ENTPD1: variants seen among roughly 807,000 people sequenced by gnomAD.
ENTPD1 encodes ectonucleoside triphosphate diphosphohydrolase 1.
ENTPD1 carries 33 observed loss-of-function variants against 57.0 expected under a neutral mutation model. The ratio of observed to expected loss-of-function variants is 0.58; its 90% CI spans 0.44 to 0.77. The LOEUF is 0.77. Ranked by LOEUF, ENTPD1 falls within the 30% of genes least tolerant of loss-of-function variation. The pLI is 0.00. For missense variants in ENTPD1, 501 were observed against 603.4 expected (o/e 0.83, Z 1.78); for synonymous variants, 202 against 218.8 (o/e 0.92, Z 0.68).
chr10:95,726,664 A>G (rs2097983980), intron 1 of ENTPD1, among the ~76,000 whole-genome samples: 1 of 152,232 alleles, frequency 6.6e-6, no homozygotes, highest in Admixed American at 6.5e-5. Flanking sequence ...TCCTTCTAAA[A>G]GTAAAGTGTT....
chr10:95,868,246 T>C lies in ENTPD1; in HGVS notation c.*1863T>C. The C allele has an allele frequency of 1.0e-6, 1 of 985,454 alleles. No individual in the cohort carries two copies. Among genetic ancestry groups the C allele is most frequent in the Non-Finnish European group, 1.2e-6 (1 of 829,932 alleles). 61.0% of individuals were successfully genotyped at this position (985,454 alleles called of 1,614,324 possible). On this transcript the variant is annotated 3_prime_UTR_variant, in exon 10 of 10. Transcript: ENST00000371205. Reference sequence around the variant, plus strand: ...TAACCTTTATTTTCTTTCCCGAACATACCAGGCTGTCTCCTCATAACTTCC... The same window carrying C: ...TAACCTTTATTTTCTTTCCCGAACACACCAGGCTGTCTCCTCATAACTTCC...
At chr10:95,694,939 C>G in the ENTPD1 span, among the ~76,000 whole-genome samples, 1 of 127,732 alleles carries the variant, frequency 7.8e-6, no homozygotes, top group Non-Finnish European at 1.6e-5. Flanking sequence ...TTCGCTCTGT[C>G]GCTCAGGCTG....
chr10:95,735,976 T>C (rs2097994251), intron 1 of ENTPD1, among the ~76,000 whole-genome samples: 1 of 151,490 alleles, frequency 6.6e-6, no homozygotes, highest in African/African-American at 2.4e-5. Context: ...TTACGTACTT[T>C]GGTCTATTTT....
At chr10:95,730,815 G>A (rs1340814503) in intron 1 of ENTPD1, among the ~76,000 whole-genome samples, 1 of 152,206 alleles carries the variant, frequency 6.6e-6, no homozygotes, top group African/African-American at 2.4e-5. Flanking sequence ...CTGGAAAAGT[G>A]AAGGTATACT....
At chr10:95,847,042 T>A (rs1050453639) in intron 6 of ENTPD1, among the ~76,000 whole-genome samples, 46 of 151,870 alleles carry the variant, frequency 3.0e-4, no homozygotes, top group Middle Eastern at 3.2e-3. Context: ...AGAAAAAAAA[T>A]TTTTTTAATA....
At chr10:95,861,783 G>C (rs2098465759) in intron 8 of ENTPD1, 1 of 152,018 alleles carries the variant, frequency 6.6e-6, no homozygotes, top group African/African-American at 2.4e-5. Context: ...TTCTGGTTTA[G>C]ATTAAAAGTT....
intron 2 of ENTPD1, among the ~76,000 whole-genome samples, chr10:95,824,000 A>G (rs1396825840): frequency 6.6e-6 from 1 of 152,264 alleles, no homozygotes; most frequent in Non-Finnish European, 1.5e-5. Context: ...AAAGATCATT[A>G]GGATCATTAA....
intron 1 of ENTPD1, among the ~76,000 whole-genome samples, chr10:95,724,161 CAAAAA>C (rs35316347): frequency 9.9e-5 from 5 of 50,350 alleles, no homozygotes; most frequent in South Asian, 1.1e-3. Context: ...GACTCTGTCT[CAAAAA>C]AAAAAAAAAA....
At chr10:95,753,133 A>G (rs1457157335), upstream of ENTPD1, 2 of 152,136 alleles carry the variant, frequency 1.3e-5, no homozygotes, top group African/African-American at 2.4e-5. Flanking sequence ...AACTCCTTCC[A>G]TCTTTCTGAG....
In ENTPD1 at chr10:95,756,294, A is replaced by C. The variant is rs532452088; in HGVS notation, c.16+39A>C. On this transcript the variant is annotated intron_variant, in intron 1 of 9. Transcript: ENST00000371205. ...TGATTTGATCTGAATCCTTAAGAAA[A>C]AAAAAATAGAAGGAAAAATAAAAGC... 21 of 1,548,822 alleles carry C rather than the reference A, an allele frequency of 1.4e-5. No homozygotes were observed. The South Asian group carries it at 1.5e-4, about 11-fold the overall frequency.
chr10:95,837,145 C>A (rs1413512015), intron 2 of ENTPD1, among the ~76,000 whole-genome samples: 1 of 152,200 alleles, frequency 6.6e-6, no homozygotes, highest in African/African-American at 2.4e-5. Context: ...AGAAAACAAG[C>A]TGACAGAAGC....
At chr10:95,855,804 C>T (rs2098453615) in intron 7 of ENTPD1, among the ~76,000 whole-genome samples, 2 of 152,222 alleles carry the variant, frequency 1.3e-5, no homozygotes, top group South Asian at 4.1e-4. Flanking sequence ...GCCAAAAGGT[C>T]TGCTGTTAGT....
At chr10:95,737,498 C>T (rs192259438) in intron 1 of ENTPD1, among the ~76,000 whole-genome samples, 67 of 151,994 alleles carry the variant, frequency 4.4e-4, no homozygotes, top group African/African-American at 1.5e-3. Context: ...AATTATTCTG[C>T]CTCAGCCTCC....
intron 1 of ENTPD1, among the ~76,000 whole-genome samples, chr10:95,793,645 G>C (rs560200236): frequency 5.1e-4 from 78 of 152,298 alleles, no homozygotes; most frequent in African/African-American, 1.6e-3. Context: ...CAGAAACTCT[G>C]AGGATGGGGT....
At chr10:95,788,834 A>G (rs555567929) in intron 1 of ENTPD1, among the ~76,000 whole-genome samples, 5 of 152,194 alleles carry the variant, frequency 3.3e-5, no homozygotes, top group Admixed American at 6.5e-5. Flanking sequence ...CTCTATGGTA[A>G]CTATGGCTTT....
rs1287047838 is a variant in ENTPD1 at position 95,871,129 on chromosome 10, T to A, written c.*4746T>A. On this transcript the variant is annotated 3_prime_UTR_variant, in exon 10 of 10. Coordinates refer to ENST00000371205, the MANE Select transcript of ENTPD1 (RefSeq NM_001776.6). ...TCATATGAGCAAGCTCAATAAAATA[T>A]AAACAAGTCAGATAAACAGTGGGAG... is the stretch of plus-strand genomic sequence containing the variant. 1.0e-6 allele frequency: 1 copy of A among 985,352 alleles called. No individual in the cohort carries two copies. The highest frequency in any genetic ancestry group is 1.7e-5 in the African/African-American group (1 of 57,258). 61.0% of individuals were successfully genotyped at this position (985,352 alleles called of 1,614,324 possible). A position where few individuals can be genotyped will look rare whatever the true frequency, so the allele number is the denominator to read the frequency against.
intron 1 of ENTPD1, among the ~76,000 whole-genome samples, chr10:95,818,732 G>A (rs1269497676): frequency 6.6e-6 from 1 of 152,198 alleles, no homozygotes; most frequent in Non-Finnish European, 1.5e-5. Context: ...GGAGAAGAAG[G>A]AAGGTAGCAG....
At chr10:95,809,682 C>T (rs7896855) in intron 1 of ENTPD1, among the ~76,000 whole-genome samples, 4,526 of 81,838 alleles carry the variant, frequency 0.055, 112 homozygotes, top group Middle Eastern at 0.071. Context: ...ACGGGGTGGC[C>T]GCCGGGCAGA....
chr10:95,777,147 A>C (rs1177053163), intron 1 of ENTPD1, among the ~76,000 whole-genome samples: 1 of 152,190 alleles, frequency 6.6e-6, no homozygotes, highest in African/African-American at 2.4e-5. Context: ...CGTCAAAGTC[A>C]TTCTCCATCC....
Sources: allele counts gnomAD v4.1 joint callset (sites outside exome capture counted in the v4.1 genomes callset), GRCh38; gene constraint gnomAD v4.1.1; transcripts MANE v1.5; gene names NCBI Gene and HGNC (gene_info 2026-07-23, HGNC 2026-07-21).